Variants in SDHAF3 observed in about 807,000 individuals in gnomAD.
SDHAF3 encodes the protein succinate dehydrogenase assembly factor 3, mitochondrial.
SDHAF3 carries 18 observed loss-of-function variants against 11.5 expected under a neutral mutation model. The ratio of observed to expected loss-of-function variants is 1.56; its 90% confidence interval spans 1.08 to 2.32. The LOEUF (loss-of-function observed/expected upper bound fraction) is 2.32. Among genes scored for constraint, SDHAF3 ranks in the 30% most tolerant of loss-of-function variants. SDHAF3 has a pLI of 0.00. For synonymous variants in SDHAF3, 72 were observed against 59.3 expected (o/e 1.21, Z -0.99); for missense variants, 200 against 154.4 (o/e 1.30, Z -1.57).
chr7:97,165,357 C>CTTTTTTTTTTTTTTTTTT (rs10653828), intron 1 of SDHAF3, among the ~76,000 whole-genome samples: 203 of 76,938 alleles, frequency 2.6e-3, no homozygotes, highest in Non-Finnish European at 3.2e-3. Flanking sequence ...ATTTTCCTAC[C>CTTTTTTTTTTTTTTTTTT]TTTTTTTTTT....
intron 1 of SDHAF3, among the ~76,000 whole-genome samples, chr7:97,150,754 G>A (rs1210153762): frequency 6.6e-6 from 1 of 151,526 alleles, no homozygotes; most frequent in Non-Finnish European, 1.5e-5. Context: ...TAGTAGAGAC[G>A]GGATTTCACT....
chr7:97,124,426 G>A (rs938124558), intron 1 of SDHAF3, among the ~76,000 whole-genome samples: 16 of 152,254 alleles, frequency 1.1e-4, no homozygotes, highest in African/African-American at 3.1e-4. Context: ...GTCAGGTAGC[G>A]TGATGCCTTG....
At chr7:97,121,813 G>A (rs1298415478) in intron 1 of SDHAF3, among the ~76,000 whole-genome samples, 1 of 151,334 alleles carries the variant, frequency 6.6e-6, no homozygotes, top group African/African-American at 2.4e-5. Context: ...CAGAGGCATC[G>A]AGGTAAGAAA....
intron 1 of SDHAF3, among the ~76,000 whole-genome samples, chr7:97,141,593 G>A (rs1156316718): frequency 6.6e-6 from 1 of 152,068 alleles, no homozygotes. Flanking sequence ...TGTGGGGCTC[G>A]AACCCACGAC....
At chr7:97,173,953 C>T (rs963316549) in intron 1 of SDHAF3, among the ~76,000 whole-genome samples, 1 of 146,398 alleles carries the variant, frequency 6.8e-6, no homozygotes, top group Non-Finnish European at 1.5e-5. Flanking sequence ...CAGAGTCTTG[C>T]TGTGTCACCA....
At position 97,117,755 on chromosome 7, in the gene SDHAF3, C is replaced by T. The variant is rs767778052; in HGVS notation, c.32C>T (p.Ala11Val). The T allele has an allele frequency of 2.5e-6, 4 of 1,614,054 alleles. No individual in the cohort carries two copies. Among genetic ancestry groups the T allele is most frequent in the East Asian group, 2.2e-5 (1 of 44,880 alleles). The part of the protein sequence containing the change: MPGRHVSRVR[A>V]LYKRVLQLHR... ...GGGCGGCACGTTTCTCGAGTCCGGG[C>T]ATTGTACAAGCGCGTCTTGCAGCTG... is the stretch of plus-strand genomic sequence containing the variant. Residue 11 changes from alanine to valine, a missense_variant, in exon 1 of 2, where the codon GCA (alanine) becomes GTA (valine). By Grantham distance (64) the Ala-to-Val change is moderately conservative. Transcript: ENST00000432641.
chr7:97,130,000 G>A (rs1056090351), intron 1 of SDHAF3, among the ~76,000 whole-genome samples: 31 of 152,190 alleles, frequency 2.0e-4, no homozygotes, highest in African/African-American at 7.2e-4. Context: ...TTCCACCTTG[G>A]GTGCCAGCAT....
At chr7:97,123,379 G>T (rs10252102) in intron 1 of SDHAF3, among the ~76,000 whole-genome samples, 53,544 of 151,930 alleles carry the variant, frequency 0.35, 9,543 homozygotes, top group East Asian at 0.49. Flanking sequence ...CCACATTTTC[G>T]GTATCCAGCC....
intron 1 of SDHAF3, among the ~76,000 whole-genome samples, chr7:97,120,459 A>C (rs758746646): frequency 6.6e-6 from 1 of 152,070 alleles, no homozygotes; most frequent in African/African-American, 2.4e-5. Flanking sequence ...TTATCACCAG[A>C]GAGTAATATA....
chr7:97,151,387 A>G (rs1428055223), intron 1 of SDHAF3, among the ~76,000 whole-genome samples: 1 of 151,970 alleles, frequency 6.6e-6, no homozygotes, highest in African/African-American at 2.4e-5. Context: ...TGGGAGGGTG[A>G]GGGGAAGAAA....
chr7:97,145,435 T>G (rs927198878), intron 1 of SDHAF3, among the ~76,000 whole-genome samples: 1 of 152,194 alleles, frequency 6.6e-6, no homozygotes, highest in Non-Finnish European at 1.5e-5. Context: ...GGAGTAAATA[T>G]TTTTTCTACT....
chr7:97,178,743 TAATA>T (rs1789727285), intron 1 of SDHAF3, among the ~76,000 whole-genome samples: 1 of 152,180 alleles, frequency 6.6e-6, no homozygotes, highest in Non-Finnish European at 1.5e-5. Flanking sequence ...ATATTCTGGA[TAATA>T]AACCCTTTTC....
chr7:97,141,629 A>G (rs955853417), intron 1 of SDHAF3, among the ~76,000 whole-genome samples: 9 of 152,122 alleles, frequency 5.9e-5, no homozygotes, highest in African/African-American at 1.7e-4. Flanking sequence ...CTCATGCTCT[A>G]CTGACTAGCG....
At position 97,155,557 on chromosome 7, in the gene SDHAF3, C is replaced by A. The variant is rs190556205; in HGVS notation, c.175-25455C>A. Reference sequence around the variant, plus strand: ...ATTTCTATTTATGGCAATTATTATGCACTTGCTGCTCTTCATTATATTGTG... The same window carrying A: ...ATTTCTATTTATGGCAATTATTATGAACTTGCTGCTCTTCATTATATTGTG... On this transcript the variant is annotated intron_variant, in intron 1 of 1. Coordinates refer to ENST00000432641, the MANE Select transcript of SDHAF3 (RefSeq NM_020186.3). Among the ~76,000 whole-genome samples the A allele has an allele frequency of 2.0e-3, 304 of 152,310 alleles. 1 individual carries two copies. The highest frequency in any genetic ancestry group is 3.8e-3 in the Non-Finnish European group (256 of 68,020).
intron 1 of SDHAF3, among the ~76,000 whole-genome samples, chr7:97,158,777 A>G (rs1278703476): frequency 3.3e-5 from 5 of 152,230 alleles, no homozygotes; most frequent in African/African-American, 1.2e-4. Context: ...TAGGACTAAC[A>G]GGAGATTTTT....
At chr7:97,179,272 C>T (rs1210785041) in intron 1 of SDHAF3, among the ~76,000 whole-genome samples, 1 of 152,084 alleles carries the variant, frequency 6.6e-6, no homozygotes, top group Non-Finnish European at 1.5e-5. Flanking sequence ...AGTTGTGAGT[C>T]CTCTGTTTTT....
intron 1 of SDHAF3, among the ~76,000 whole-genome samples, chr7:97,123,355 A>T (rs1182049088): frequency 6.6e-6 from 1 of 152,174 alleles, no homozygotes; most frequent in Non-Finnish European, 1.5e-5. Flanking sequence ...ATAGTATTCC[A>T]TGATGTATAT....
At chr7:97,136,619 G>A (rs1482871074) in intron 1 of SDHAF3, among the ~76,000 whole-genome samples, 1 of 152,148 alleles carries the variant, frequency 6.6e-6, no homozygotes, top group Non-Finnish European at 1.5e-5. Flanking sequence ...TTCTTAAATA[G>A]TAATGGGTAG....
intron 1 of SDHAF3, among the ~76,000 whole-genome samples, chr7:97,159,348 G>T (rs1304457918): frequency 1.3e-5 from 2 of 152,150 alleles, no homozygotes; most frequent in African/African-American, 4.8e-5. Context: ...AAATATGTGG[G>T]TGCTTTTCAA....
Sources: allele counts gnomAD v4.1 joint callset (sites outside exome capture counted in the v4.1 genomes callset), GRCh38; gene constraint gnomAD v4.1.1; transcripts MANE v1.5; gene names NCBI Gene and HGNC (gene_info 2026-07-23, HGNC 2026-07-21).